The following KLRD1 variants were observed in gnomAD, a reference collection of about 807,000 sequenced individuals.
KLRD1 encodes the protein killer cell lectin like receptor D1, also known as natural killer cells antigen CD94.
A neutral mutation model predicts 22.6 loss-of-function variants in KLRD1; 21 were observed. The ratio of observed to expected loss-of-function variants is 0.93; its 90% CI spans 0.66 to 1.34. The LOEUF (loss-of-function observed/expected upper bound fraction) is 1.34, where lower values mean the gene tolerates loss of function less well. KLRD1 is among the 40% of genes most tolerant of loss of function. The probability of loss-of-function intolerance (pLI) is 0.00; values close to 1 mark genes in which losing one functional copy is unlikely to be tolerated. For synonymous variants in KLRD1, 59 were observed against 71.1 expected (o/e 0.83, Z 0.85); for missense variants, 183 against 208.6 (o/e 0.88, Z 0.76).
intron 3 of KLRD1, among the ~76,000 whole-genome samples, chr12:10,311,119 T>G (rs1387894310): frequency 3.3e-5 from 5 of 152,178 alleles, no homozygotes; most frequent in African/African-American, 1.2e-4. Flanking sequence ...TTGAGTCACT[T>G]CCTCAAAAAA....
At position 10,313,460 on chromosome 12, in the gene KLRD1, T is replaced by G. The variant is rs774080625; in HGVS notation, c.366T>G (p.Ser122Arg). Residue 122 changes from serine (S) to arginine (R), a missense_variant, in exon 5 of 6, where the codon AGT becomes AGG. Physicochemically the swap from Ser to Arg is moderately radical, Grantham distance 110. Transcript: ENST00000336164. ...TTTACTGGATTGGACTCTCTTACAG[T>G]GAGGAGCACACCGCCTGGTTGTGGG... is the stretch of plus-strand genomic sequence containing the variant. ...QQFYWIGLSYSEEHTAWLWEN... is the reference protein window; with the variant it reads ...QQFYWIGLSYREEHTAWLWEN... 6.2e-7 allele frequency: 1 copy of G among 1,609,228 alleles called. No individual in the cohort carries two copies. Among genetic ancestry groups the G allele is most frequent in the Non-Finnish European group, 8.5e-7 (1 of 1,177,556 alleles).
Position 10,240,207 on chromosome 12 carries a change from C to T in KLRD1, c.-101+13974C>T, listed in dbSNP as rs188774437. On this transcript the variant is annotated intron_variant, in intron 1 of 5. Transcript: ENST00000544747. ...CCCCAAGTCGCTGGGACCACAGGTG[C>T]GCACCATCATGCTGGGCTAATTTTT... Among the ~76,000 whole-genome samples the T allele has an allele frequency of 3.1e-3, 473 of 151,986 alleles. 3 individuals carry two copies. The highest frequency in any genetic ancestry group is 5.4e-3 in the Non-Finnish European group (364 of 67,964).
chr12:10,296,500 A>G (rs1470309922), intron 1 of KLRD1, among the ~76,000 whole-genome samples: 1 of 152,158 alleles, frequency 6.6e-6, no homozygotes, highest in Non-Finnish European at 1.5e-5. Context: ...TGGGCGACAC[A>G]GCGAGACTCC....
chr12:10,269,997 G>A (rs1025081288), intron 1 of KLRD1, among the ~76,000 whole-genome samples: 7 of 152,000 alleles, frequency 4.6e-5, no homozygotes, highest in Non-Finnish European at 1.0e-4. Flanking sequence ...TGAACTTAAT[G>A]CCATAATAAG....
chr12:10,285,741 A>G (rs1281849482), intron 1 of KLRD1, among the ~76,000 whole-genome samples: 1 of 152,132 alleles, frequency 6.6e-6, no homozygotes, highest in Non-Finnish European at 1.5e-5. Context: ...TCAATGCTTT[A>G]TGATTCTTAT....
At chr12:10,248,530 T>TTTCCTTCA (rs1555100261) in intron 1 of KLRD1, among the ~76,000 whole-genome samples, 11 of 96,610 alleles carry the variant, frequency 1.1e-4, no homozygotes, top group Non-Finnish European at 1.9e-4. Flanking sequence ...TGTATTTTCT[T>TTTCCTTCA]TTCCTTCCTT....
intron 1 of KLRD1, among the ~76,000 whole-genome samples, chr12:10,276,253 C>T (rs112514543): frequency 0.012 from 1,817 of 152,124 alleles, 37 homozygotes; most frequent in African/African-American, 0.042. Context: ...AAATTATCAC[C>T]TCACTACACT....
In KLRD1 at chr12:10,323,972, A is replaced by T. The variant is rs964670350; in HGVS notation, c.*9179A>T. The T allele has an allele frequency of 3.5e-5, 5 of 143,194 alleles. No individual in the cohort carries two copies. Among genetic ancestry groups the T allele is most frequent in the Non-Finnish European group, 1.5e-5 (1 of 66,628 alleles). 8.9% of individuals were successfully genotyped at this position (143,194 alleles called of 1,614,324 possible). A position where few individuals can be genotyped will look rare whatever the true frequency, so the allele number is the denominator to read the frequency against. On this transcript the variant is annotated 3_prime_UTR_variant, in exon 6 of 6. Coordinates refer to ENST00000336164, the MANE Select transcript of KLRD1 (RefSeq NM_002262.5). Reference sequence around the variant, plus strand: ...CACCACCTGGGTTCAAGTTATTCTCATGCCTCAGCCTCCCCAGTAGCCGAG... The same window carrying T: ...CACCACCTGGGTTCAAGTTATTCTCTTGCCTCAGCCTCCCCAGTAGCCGAG...
At chr12:10,290,511 A>G (rs1376185390) in intron 1 of KLRD1, among the ~76,000 whole-genome samples, 1 of 152,212 alleles carries the variant, frequency 6.6e-6, no homozygotes, top group Non-Finnish European at 1.5e-5. Flanking sequence ...GATCTTATTT[A>G]TATTAAAGAA....
intron 1 of KLRD1, among the ~76,000 whole-genome samples, chr12:10,267,342 T>C (rs1197951619): frequency 6.6e-6 from 1 of 152,178 alleles, no homozygotes; most frequent in African/African-American, 2.4e-5. Context: ...AATGACCTTC[T>C]TTATGCCTTT....
intron 3 of KLRD1, among the ~76,000 whole-genome samples, chr12:10,310,182 G>A (rs1950027087): frequency 6.6e-6 from 1 of 152,184 alleles, no homozygotes; most frequent in African/African-American, 2.4e-5. Flanking sequence ...CACGATCTTG[G>A]CTCACTGCCA....
chr12:10,268,425 A>G (rs1034018356), intron 1 of KLRD1, among the ~76,000 whole-genome samples: 1 of 152,208 alleles, frequency 6.6e-6, no homozygotes, highest in Non-Finnish European at 1.5e-5. Context: ...GATATCTAAG[A>G]AGAAATGTCA....
At chr12:10,259,681 G>C (rs2617140) in intron 1 of KLRD1, among the ~76,000 whole-genome samples, 148,445 of 152,344 alleles carry the variant, frequency 0.97, 72,435 homozygotes, top group East Asian at 1. Flanking sequence ...AAAGAATATT[G>C]TGGGCTGGGC....
chr12:10,246,345 A>G lies in KLRD1; in HGVS notation c.-101+20112A>G, dbSNP rs1044180312. Among the ~76,000 whole-genome samples the G allele has an allele frequency of 3.3e-5, 5 of 150,324 alleles. No individual in the cohort carries two copies. In the South Asian group the frequency reaches 6.3e-4, roughly 19 times the overall value. ...CATGGTATTAAAATTATGAATATAT[A>G]CTACATTTTTAAGGAACTCAGTCCA... On this transcript the variant is annotated intron_variant, in intron 1 of 5. Transcript: ENST00000544747.
Position 10,323,864 on chromosome 12 carries a change from C to CTTTTTTTTTTTTTTTTTTTTTTTT in KLRD1, c.*9086_*9087insTTTTTTTTTTTTTTTTTTTTTTTT, listed in dbSNP as rs3983613. 1 of 106,342 alleles carries CTTTTTTTTTTTTTTTTTTTTTTTT rather than the reference C, an allele frequency of 9.4e-6. No homozygotes were observed. The highest frequency in any genetic ancestry group is 1.8e-5 in the Non-Finnish European group (1 of 54,630). 6.6% of individuals were successfully genotyped at this position (106,342 alleles called of 1,614,324 possible). On this transcript the variant is annotated 3_prime_UTR_variant, in exon 6 of 6. Coordinates refer to ENST00000336164, the MANE Select transcript of KLRD1 (RefSeq NM_002262.5). ...TTCCCTTTTATTTCTTATTTCTTTCCTTTTTTTTTTTTTTTGAGACTGAGT... is the reference window on the plus strand; with the variant it reads ...TTCCCTTTTATTTCTTATTTCTTTCCTTTTTTTTTTTTTTTTTTTTTTTTTTTTTTTTTTTTTTTGAGACTGAGT...
chr12:10,262,137 C>T (rs1050136643), intron 1 of KLRD1, among the ~76,000 whole-genome samples: 1 of 151,976 alleles, frequency 6.6e-6, no homozygotes, highest in African/African-American at 2.4e-5. Flanking sequence ...TAAGTGAACA[C>T]AATATGTTAA....
intron 1 of KLRD1, among the ~76,000 whole-genome samples, chr12:10,288,167 C>T (rs1187337444): frequency 6.7e-6 from 1 of 148,454 alleles, no homozygotes; most frequent in African/African-American, 2.5e-5. Flanking sequence ...CGCTGGAACC[C>T]AGGAGGTGGA....
At position 10,324,238 on chromosome 12, in the gene KLRD1, TC is replaced by T. The variant is rs1179229640; in HGVS notation, c.*9447del. 6.6e-6 allele frequency: 1 copy of T among 152,226 alleles called. No homozygotes were observed. The highest frequency in any genetic ancestry group is 1.9e-4 in the East Asian group (1 of 5,194). The allele number at this position is 152,226 out of a possible 1,614,324, so 9.4% of individuals were successfully genotyped here. A position where few individuals can be genotyped will look rare whatever the true frequency, so the allele number is the denominator to read the frequency against. The stretch of plus-strand genomic sequence containing the variant: ...TTGTACCTCAATATGCTTAATTTTT[TC>T]CTTCTGGCTTTCGTTTTAGGTTCAG... On this transcript the variant is annotated 3_prime_UTR_variant, in exon 6 of 6. Transcript: ENST00000336164.
chr12:10,311,069 TTCA>T (rs1425034750), intron 3 of KLRD1, among the ~76,000 whole-genome samples: 2 of 152,204 alleles, frequency 1.3e-5, no homozygotes, highest in African/African-American at 4.8e-5. Flanking sequence ...TTAAATCTTT[TTCA>T]TCTAGTTAAC....
Sources: gnomAD v4.1 joint callset for allele counts (sites outside exome capture counted in the v4.1 genomes callset) on GRCh38, gnomAD v4.1.1 for gene constraint, MANE v1.5 for transcripts, NCBI Gene and HGNC (gene_info 2026-07-23, HGNC 2026-07-21) for gene names.